Variants in FCN2 observed in about 807,000 individuals in gnomAD.
The protein encoded by FCN2 is ficolin-2.
Under a neutral mutation model 32.5 loss-of-function variants are expected in FCN2, and 31 were observed. The ratio of observed to expected loss-of-function variants is 0.96; its 90% CI spans 0.72 to 1.29. The LOEUF is 1.29. Ranked by LOEUF, FCN2 falls within the 50% of genes most tolerant of loss-of-function variation. The pLI is 0.00. For missense variants in FCN2, 412 were observed against 406.5 expected (o/e 1.01, Z -0.12); for synonymous variants, 181 against 164.5 (o/e 1.10, Z -0.77).
the FCN2 span, among the ~76,000 whole-genome samples, chr9:134,864,678 C>G: frequency 6.6e-6 from 1 of 152,264 alleles, no homozygotes; most frequent in Non-Finnish European, 1.5e-5. Context: ...GTCAGCCCCC[C>G]GGTGGGTAGA....
intron 2 of FCN2, 109 bp from the exon 3 acceptor site, chr9:134,883,193 C>A: frequency 1.0e-6 from 1 of 961,886 alleles, no homozygotes; most frequent in Non-Finnish European, 1.7e-6. Context: ...CGTCGTAGCA[C>A]GAGCAGGGTC....
chr9:134,869,194 T>C, the FCN2 span, among the ~76,000 whole-genome samples: 25 of 152,230 alleles, frequency 1.6e-4, no homozygotes, highest in Admixed American at 6.5e-5. Flanking sequence ...TTGGGACTCA[T>C]GCATGAGAGC....
At chr9:134,871,126 C>T in the FCN2 span, among the ~76,000 whole-genome samples, 1 of 152,214 alleles carries the variant, frequency 6.6e-6, no homozygotes, top group African/African-American at 2.4e-5. Context: ...CCTGAGTGGG[C>T]AGGCCTGGGT....
chr9:134,876,025 G>C (rs2132989645), upstream of FCN2, among the ~76,000 whole-genome samples: 1 of 152,250 alleles, frequency 6.6e-6, no homozygotes, highest in East Asian at 1.9e-4. Context: ...ATCTTTTTCT[G>C]TTTCTTTTGA....
chr9:134,870,212 A>G, the FCN2 span, among the ~76,000 whole-genome samples: 1 of 152,124 alleles, frequency 6.6e-6, no homozygotes, highest in Non-Finnish European at 1.5e-5. The surrounding 1 kb of genome is among the most constrained non-coding windows in gnomAD (Gnocchi z 4.3). Context: ...CTGCAGCTTC[A>G]TGTGGGAGAC....
intron 6 of FCN2, 41 bp downstream of exon 6, chr9:134,885,938 T>C: frequency 1.9e-6 from 3 of 1,574,392 alleles, no homozygotes; most frequent in African/African-American, 1.3e-5. Context: ...GGGCCCTGAA[T>C]GGGGGTGCCC....
chr9:134,875,895 A>C (rs532558015), upstream of FCN2, among the ~76,000 whole-genome samples: 63 of 152,294 alleles, frequency 4.1e-4, no homozygotes, highest in Non-Finnish European at 7.4e-5. Flanking sequence ...AAGATAATAA[A>C]CAGGTGCTAT....
chr9:134,872,309 C>T, the FCN2 span, among the ~76,000 whole-genome samples: 1 of 152,238 alleles, frequency 6.6e-6, no homozygotes, highest in Non-Finnish European at 1.5e-5. Flanking sequence ...GGATAGACCA[C>T]AGCTATGTAT....
the FCN2 span, chr9:134,868,418 G>T: frequency 5.0e-6 from 1 of 200,570 alleles, no homozygotes; most frequent in South Asian, 1.1e-4. This position sits in a 1 kb window ranked among gnomAD's most constrained non-coding sequence, Gnocchi z 4.3. Context: ...ACTGGAAGTC[G>T]GGGAAAGGGA....
chr9:134,871,831 C>G, the FCN2 span, among the ~76,000 whole-genome samples: 99 of 152,294 alleles, frequency 6.5e-4, 2 homozygotes, highest in Non-Finnish European at 2.1e-4. Flanking sequence ...TTGAAGTGCA[C>G]AACTTGAGTA....
intron 1 of FCN2, 37 bp downstream of exon 1, chr9:134,880,958 C>T (rs751512969): frequency 1.2e-5 from 18 of 1,488,724 alleles, no homozygotes; most frequent in Admixed American, 1.8e-5. Context: ...GGAAACTTCT[C>T]GTCCCTGAAA....
At chr9:134,877,679 G>A (rs1408201470), upstream of FCN2, among the ~76,000 whole-genome samples, 1 of 152,164 alleles carries the variant, frequency 6.6e-6, no homozygotes, top group African/African-American at 2.4e-5. Context: ...GTGAGATGGT[G>A]GTCATGTTAG....
At position 134,880,872 on chromosome 9, in the gene FCN2, C is replaced by A. The variant is rs781203500; in HGVS notation, c.51C>A (p.Leu17=). The part of the protein sequence containing the change: ...VGVLGAATLL[L]SFLGMAWALQ... ...TCCTGGGCGCTGCCACCCTGCTGCT[C>A]TCTTTCCTGGGCATGGCCTGGGCTC... The change falls in exon 1 of 8, where the codon CTC becomes CTA. Residue 17 remains leucine, a synonymous_variant. Coordinates refer to ENST00000291744, the MANE Select transcript of FCN2 (RefSeq NM_004108.3). The A allele has an allele frequency of 6.2e-7, 1 of 1,613,560 alleles. No individual in the cohort carries two copies. Among genetic ancestry groups the A allele is most frequent in the Admixed American group, 1.7e-5 (1 of 59,998 alleles).
intron 2 of FCN2, 21 bp downstream of exon 2, chr9:134,882,660 G>C: frequency 6.6e-7 from 1 of 1,523,484 alleles, no homozygotes; most frequent in Non-Finnish European, 9.1e-7. Context: ...GCATGGCTGG[G>C]GGCACTGGCT....
chr9:134,884,689 G>T (rs772042293), intron 3 of FCN2, 51 bp from the exon 4 acceptor site: 3 of 1,585,240 alleles, frequency 1.9e-6, no homozygotes, highest in Non-Finnish European at 2.6e-6. Context: ...GGGGCTGAAG[G>T]GCTCTGATTT....
In FCN2 at chr9:134,882,459, A is replaced by AT. The variant is rs1453579707; in HGVS notation, c.101-66dup. The AT allele has an allele frequency of 5.5e-5, 70 of 1,269,200 alleles. 2 individuals are homozygous for AT. The Admixed American group carries it at 6.2e-4, about 11-fold the overall frequency. The allele number at this position is 1,269,200 out of a possible 1,614,324, so 78.6% of individuals were successfully genotyped here. ...GGCAGATGCCTTTCAGTTGAGTGGT[A>AT]TATCTATGGCTCAGTGGAGTCTTCA... On this transcript the variant is annotated intron_variant, in intron 1 of 7. Coordinates refer to ENST00000291744, the MANE Select transcript of FCN2 (RefSeq NM_004108.3).
In FCN2 at chr9:134,883,310, G is replaced by A. The variant is rs1332749049; in HGVS notation, c.223G>A (p.Gly75Ser). 7 of 1,613,174 alleles carry A rather than the reference G, an allele frequency of 4.3e-6. No individual in the cohort carries two copies. Among genetic ancestry groups the A allele is most frequent in the East Asian group, 2.2e-5 (1 of 44,858 alleles). Residue 75 changes from glycine to serine, a missense_variant, in exon 3 of 8, where the codon GGC becomes AGC. Transcript: ENST00000291744. ...GTCTTTGGAAATTGCAGGAGAACGT[G>A]GCCCCCCTGGACCTCCTGGGAAGGC... ...AGTNGKRGERGPPGPPGKAGP... is the reference protein window; with the variant it reads ...AGTNGKRGERSPPGPPGKAGP...
intron 6 of FCN2, 34 bp downstream of exon 6, chr9:134,885,931 C>A (rs780632793): frequency 6.9e-6 from 11 of 1,587,514 alleles, no homozygotes; most frequent in Middle Eastern, 1.7e-4. Flanking sequence ...GGGTCGGGGG[C>A]CCTGAATGGG....
the FCN2 span, among the ~76,000 whole-genome samples, chr9:134,870,659 C>A: frequency 4.6e-5 from 7 of 152,184 alleles, no homozygotes; most frequent in African/African-American, 1.7e-4. The surrounding 1 kb of genome is among the most constrained non-coding windows in gnomAD (Gnocchi z 4.3). Context: ...GCCAGCCCAC[C>A]ACTGACCGCA....
Sources: allele counts gnomAD v4.1 joint callset (sites outside exome capture counted in the v4.1 genomes callset), GRCh38; gene constraint gnomAD v4.1.1; non-coding constraint Gnocchi (gnomAD v3.1); transcripts MANE v1.5; gene names NCBI Gene and HGNC (gene_info 2026-07-23, HGNC 2026-07-21).